SLC17A5: variants seen among roughly 807,000 people sequenced by gnomAD.
SLC17A5 encodes solute carrier family 17 member 5.
SLC17A5 carries 47 observed loss-of-function variants against 59.4 expected under a neutral mutation model. The ratio of observed to expected loss-of-function variants is 0.79; its 90% CI spans 0.63 to 1.01. The LOEUF (loss-of-function observed/expected upper bound fraction) is 1.01, where lower values mean the gene tolerates loss of function less well. Ranked by LOEUF, SLC17A5 falls within the 50% of genes least tolerant of loss-of-function variation. The probability of loss-of-function intolerance (pLI) is 0.00; values close to 1 mark genes in which losing one functional copy is unlikely to be tolerated. For missense variants in SLC17A5, 522 were observed against 595.5 expected, an observed-to-expected ratio of 0.88 and a Z score of 1.28; for synonymous variants, 202 against 210.7, an observed-to-expected ratio of 0.96 and a Z score of 0.36.
chr6:73,648,045 G>A (rs999901997), intron 1 of SLC17A5, among the ~76,000 whole-genome samples: 51 of 152,242 alleles, frequency 3.3e-4, no homozygotes, highest in Middle Eastern at 3.4e-3. Flanking sequence ...CTCCAGCCTG[G>A]GGGACAAGAG....
intron 6 of SLC17A5, among the ~76,000 whole-genome samples, chr6:73,625,211 G>A (rs749470928): frequency 1.3e-5 from 2 of 152,048 alleles, no homozygotes; most frequent in African/African-American, 2.4e-5. Context: ...TTATGAGATG[G>A]AGTCTTGCTC....
chr6:73,615,641 T>G (rs761896482), intron 7 of SLC17A5, among the ~76,000 whole-genome samples, 194 bp from the exon 8 acceptor site: 1 of 152,156 alleles, frequency 6.6e-6, no homozygotes, highest in East Asian at 1.9e-4. Context: ...AGGCAGTCCC[T>G]AAGAGTCTGT....
chr6:73,652,817 A>G (rs898756679), intron 1 of SLC17A5, among the ~76,000 whole-genome samples: 1 of 152,238 alleles, frequency 6.6e-6, no homozygotes, highest in Admixed American at 6.5e-5. Flanking sequence ...AAAAATATAG[A>G]AACTATACAA....
In SLC17A5 at chr6:73,610,545, T is replaced by C; in HGVS notation, c.1114A>G (p.Met372Val). 4 of 1,614,066 alleles carry C rather than the reference T, an allele frequency of 2.5e-6. No homozygotes were observed. Among genetic ancestry groups the C allele is most frequent in the African/African-American group, 1.3e-5 (1 of 75,034 alleles). Residue 372 changes from methionine (M) to valine (V), a missense_variant and splice_region_variant, in exon 9 of 11, where the codon ATG becomes GTG. Around this residue, in one of 3 missense-constraint regions of SLC17A5, gnomAD observed 153 missense variants for 168.5 expected, o/e 0.91. Coordinates refer to ENST00000355773, the MANE Select transcript of SLC17A5 (RefSeq NM_012434.5). Reference protein sequence around the residue: ...CVRRIFSLIGMIGPAVFLVAA... With the variant: ...CVRRIFSLIGVIGPAVFLVAA... ...ACCAGGAATACTGCAGGTCCAATCATTCCTGGAGTTAAAAAGTTATAAAAG... is the reference window on the plus strand; with the variant it reads ...ACCAGGAATACTGCAGGTCCAATCACTCCTGGAGTTAAAAAGTTATAAAAG...
At chr6:73,598,422 G>C (rs1470068196) in intron 10 of SLC17A5, among the ~76,000 whole-genome samples, 1 of 151,418 alleles carries the variant, frequency 6.6e-6, no homozygotes, top group Non-Finnish European at 1.5e-5. Context: ...TTTGAGGTCA[G>C]AAGTTCGAGA....
At chr6:73,610,144 C>T (rs1199931643) in intron 9 of SLC17A5, among the ~76,000 whole-genome samples, 1 of 152,004 alleles carries the variant, frequency 6.6e-6, no homozygotes, top group African/African-American at 2.4e-5. Context: ...AGCGATTCTC[C>T]TGCCTCAGCC....
At chr6:73,631,287 A>G (rs75023644) in intron 6 of SLC17A5, among the ~76,000 whole-genome samples, 1 of 151,572 alleles carries the variant, frequency 6.6e-6, no homozygotes, top group Non-Finnish European at 1.5e-5. Context: ...AAGAAAAAAA[A>G]CCACTCCACA....
At chr6:73,606,395 TC>T (rs1425283694) in intron 9 of SLC17A5, among the ~76,000 whole-genome samples, 12 of 152,302 alleles carry the variant, frequency 7.9e-5, no homozygotes, top group African/African-American at 2.9e-4. Flanking sequence ...AGTACAGCAG[TC>T]CTCATTATCT....
chr6:73,639,617 T>C (rs1769181781), intron 3 of SLC17A5, among the ~76,000 whole-genome samples: 1 of 152,160 alleles, frequency 6.6e-6, no homozygotes, highest in Admixed American at 6.5e-5. Flanking sequence ...TGTAGGTATA[T>C]TTATGGTGAA....
rs181063217 is a variant in SLC17A5 at position 73,619,530 on chromosome 6, A to T, written c.978+2274T>A. 6.6e-3 allele frequency among the ~76,000 whole-genome samples: 612 copies of T among 93,182 alleles called. 1 individual carries two copies. Among genetic ancestry groups the T allele is most frequent in the Admixed American group, 0.012 (129 of 11,072 alleles). The allele number at this position is 93,182 out of a possible 152,430, so 61.1% of individuals were successfully genotyped here. ...ATGGGAAACCCCATCTCTACTATTT[A>T]AAAAAAACAAAAACAAAAACACCTA... On this transcript the variant is annotated intron_variant, in intron 7 of 10. Transcript: ENST00000355773.
chr6:73,628,879 T>C (rs1288259965), intron 6 of SLC17A5, among the ~76,000 whole-genome samples: 1 of 150,278 alleles, frequency 6.7e-6, no homozygotes, highest in Non-Finnish European at 1.5e-5. Flanking sequence ...TACTTGAATA[T>C]ATTCTAATAT....
At chr6:73,607,074 C>A (rs2150083787) in intron 9 of SLC17A5, among the ~76,000 whole-genome samples, 1 of 152,320 alleles carries the variant, frequency 6.6e-6, no homozygotes, top group South Asian at 2.1e-4. Context: ...TTGGATTGAT[C>A]TGTGACCCTG....
intron 9 of SLC17A5, among the ~76,000 whole-genome samples, chr6:73,606,785 A>T (rs1252024745): frequency 6.6e-6 from 1 of 152,222 alleles, no homozygotes; most frequent in Non-Finnish European, 1.5e-5. Flanking sequence ...TCCGTTAATG[A>T]GCATGCTATT....
At chr6:73,600,855 T>C (rs1157859423) in intron 9 of SLC17A5, among the ~76,000 whole-genome samples, 2 of 152,236 alleles carry the variant, frequency 1.3e-5, no homozygotes, top group African/African-American at 2.4e-5. Flanking sequence ...TGAAATTTTA[T>C]GTCTAAATAA....
At position 73,610,515 on chromosome 6, in the gene SLC17A5, CA is replaced by C; in HGVS notation, c.1143del (p.Ala382LeufsTer15). 2 of 1,614,066 alleles carry C rather than the reference CA, an allele frequency of 1.2e-6. No homozygotes were observed. Among genetic ancestry groups the C allele is most frequent in the Non-Finnish European group, 1.7e-6 (2 of 1,179,998 alleles). ...GMIGPAVFLV[A>X]AGFIGCDYSL... ...GAATAATCACAGCCAATGAAGCCAG[CA>C]GCTACCAGGAATACTGCAGGTCCAA... On this transcript the variant is annotated frameshift_variant, in exon 9 of 11. Coordinates refer to ENST00000355773, the MANE Select transcript of SLC17A5 (RefSeq NM_012434.5). LOFTEE classifies it high-confidence loss of function.
At position 73,637,553 on chromosome 6, in the gene SLC17A5, G is replaced by A. The variant is rs765307955; in HGVS notation, c.614-846C>T. On this transcript the variant is annotated intron_variant, in intron 4 of 10. Coordinates refer to ENST00000355773, the MANE Select transcript of SLC17A5 (RefSeq NM_012434.5). ...TAGCCTGTAAGACCTGATATAACCC[G>A]GCTCTTATCTCTTTCTCTAACCTCA... Among the ~76,000 whole-genome samples the A allele has an allele frequency of 5.9e-5, 9 of 151,976 alleles. 1 individual carries two copies. The highest frequency in any genetic ancestry group is 3.8e-4 in the East Asian group (2 of 5,198).
intron 6 of SLC17A5, among the ~76,000 whole-genome samples, chr6:73,625,120 T>C (rs911438300): frequency 6.6e-6 from 1 of 152,198 alleles, no homozygotes; most frequent in Non-Finnish European, 1.5e-5. Context: ...CTGGCCTTTT[T>C]CATATGGACT....
intron 6 of SLC17A5, among the ~76,000 whole-genome samples, chr6:73,626,873 G>C (rs1768444283): frequency 6.6e-6 from 1 of 152,128 alleles, no homozygotes; most frequent in Non-Finnish European, 1.5e-5. Context: ...CTGGGTTCAA[G>C]TGATTCTCCC....
intron 8 of SLC17A5, among the ~76,000 whole-genome samples, chr6:73,614,456 G>A (rs612800): frequency 0.42 from 64,032 of 151,986 alleles, 14,366 homozygotes; most frequent in African/African-American, 0.57. Context: ...CTCTGCCCCC[G>A]GTTTTTTGGC....
Sources: gnomAD v4.1 joint callset for allele counts (sites outside exome capture counted in the v4.1 genomes callset) on GRCh38, gnomAD v4.1.1 for gene constraint, gnomAD v4.1.1 regional missense constraint, MANE v1.5 for transcripts, NCBI Gene and HGNC (gene_info 2026-07-23, HGNC 2026-07-21) for gene names.